SLC39A8: variants seen among roughly 807,000 people sequenced by gnomAD.
SLC39A8 encodes metal cation symporter ZIP8.
Under a neutral mutation model 40.4 loss-of-function variants are expected in SLC39A8, and 15 were observed. The observed-to-expected ratio is 0.37, with a 90% CI of 0.25 to 0.57. The LOEUF is 0.57. SLC39A8 is among the 20% of genes least tolerant of loss of function. SLC39A8 has a pLI of 0.75. For synonymous variants in SLC39A8, 223 were observed against 221.6 expected (o/e 1.01, Z -0.06); for missense variants, 472 against 558.8 (o/e 0.84, Z 1.57).
intron 2 of SLC39A8, among the ~76,000 whole-genome samples, chr4:102,333,590 G>T (rs1353751893): frequency 6.6e-6 from 1 of 152,158 alleles, no homozygotes; most frequent in Admixed American, 6.5e-5. Context: ...ATACCAAAAG[G>T]TTTTGATGGA....
At chr4:102,279,628 TG>T (rs1172762870) in intron 6 of SLC39A8, among the ~76,000 whole-genome samples, 2 of 152,094 alleles carry the variant, frequency 1.3e-5, no homozygotes, top group Non-Finnish European at 2.9e-5. Flanking sequence ...GTATTGTCGA[TG>T]GGGGGGCCCT....
intron 6 of SLC39A8, among the ~76,000 whole-genome samples, chr4:102,297,757 A>C (rs2149028730): frequency 6.6e-6 from 1 of 152,126 alleles, no homozygotes; most frequent in Admixed American, 6.6e-5. Context: ...TTTCTACACA[A>C]AAAAAATTTA....
intron 2 of SLC39A8, among the ~76,000 whole-genome samples, chr4:102,330,616 T>G (rs779174382): frequency 2.0e-5 from 3 of 152,182 alleles, no homozygotes; most frequent in Non-Finnish European, 4.4e-5. Context: ...CTGGTACCAT[T>G]CCTTCTGATA....
At chr4:102,282,091 T>A (rs1382760793) in intron 6 of SLC39A8, among the ~76,000 whole-genome samples, 1 of 152,158 alleles carries the variant, frequency 6.6e-6, no homozygotes, top group Non-Finnish European at 1.5e-5. Flanking sequence ...AAAGGTTAGG[T>A]AAATTAACCA....
Position 102,304,983 on chromosome 4 carries a change from A to G in SLC39A8, c.675+6T>C. On this transcript the variant is annotated splice_donor_region_variant and intron_variant, in intron 5 of 8. Transcript: ENST00000356736. ...ATATTGGATGTTTTAAATAAAGTCC[A>G]TTTACCTGACCATATGTCTTTAATA... The G allele has an allele frequency of 6.3e-7, 1 of 1,596,370 alleles. No individual in the cohort carries two copies. The highest frequency in any genetic ancestry group is 8.6e-7 in the Non-Finnish European group (1 of 1,169,362).
intron 6 of SLC39A8, among the ~76,000 whole-genome samples, chr4:102,288,973 T>C (rs1217626430): frequency 6.6e-6 from 1 of 152,158 alleles, no homozygotes; most frequent in Non-Finnish European, 1.5e-5. Flanking sequence ...ACACCAAATT[T>C]TCAATGTTGG....
chr4:102,284,391 C>T (rs1733056420), intron 6 of SLC39A8, among the ~76,000 whole-genome samples: 1 of 152,130 alleles, frequency 6.6e-6, no homozygotes, highest in Non-Finnish European at 1.5e-5. Context: ...CTAGAATGAA[C>T]CAGAATGGCA....
intron 5 of SLC39A8, 46 bp downstream of exon 5, chr4:102,304,943 G>A (rs927873517): frequency 1.3e-6 from 2 of 1,534,428 alleles, no homozygotes; most frequent in African/African-American, 1.4e-5. Context: ...ATATAAAGTA[G>A]CTTTAGGGGG....
At chr4:102,291,542 T>G (rs1327732589) in intron 6 of SLC39A8, among the ~76,000 whole-genome samples, 1 of 152,060 alleles carries the variant, frequency 6.6e-6, no homozygotes, top group Non-Finnish European at 1.5e-5. Flanking sequence ...GCCAGGGCAA[T>G]GCAAACAAAG....
At chr4:102,272,281 T>C (rs1359290578) in intron 6 of SLC39A8, among the ~76,000 whole-genome samples, 1 of 150,990 alleles carries the variant, frequency 6.6e-6, no homozygotes, top group Non-Finnish European at 1.5e-5. Flanking sequence ...AAAATACTAA[T>C]AAAAAAAATT....
intron 5 of SLC39A8, 148 bp downstream of exon 5, chr4:102,304,841 T>C: frequency 6.0e-6 from 4 of 667,916 alleles, no homozygotes; most frequent in Non-Finnish European, 4.8e-6. Context: ...TACTTGTCAA[T>C]ATATTGACTC....
At chr4:102,321,646 C>G (rs753706574) in intron 2 of SLC39A8, among the ~76,000 whole-genome samples, 5 of 152,180 alleles carry the variant, frequency 3.3e-5, no homozygotes, top group Non-Finnish European at 4.4e-5. Context: ...GAACAAAGTT[C>G]TGCAACACTG....
At chr4:102,291,273 G>T (rs233809) in intron 6 of SLC39A8, among the ~76,000 whole-genome samples, 40,405 of 151,850 alleles carry the variant, frequency 0.27, 5,653 homozygotes, top group South Asian at 0.35. Flanking sequence ...CATTGAAAAT[G>T]TATGCATTCT....
downstream of SLC39A8, among the ~76,000 whole-genome samples, chr4:102,260,203 T>G (rs1056178954): frequency 2.6e-5 from 4 of 152,204 alleles, no homozygotes; most frequent in Admixed American, 6.5e-5. Context: ...AAGAACCATC[T>G]GGAGTAATAA....
downstream of SLC39A8, among the ~76,000 whole-genome samples, chr4:102,257,274 C>G (rs576375175): frequency 6.6e-6 from 1 of 151,974 alleles, no homozygotes; most frequent in South Asian, 2.1e-4. Flanking sequence ...CCTCAGCCTC[C>G]TGAATAACTG....
intron 6 of SLC39A8, among the ~76,000 whole-genome samples, chr4:102,280,868 T>C (rs532094094): frequency 6.6e-6 from 1 of 152,232 alleles, no homozygotes; most frequent in Non-Finnish European, 1.5e-5. Flanking sequence ...TGGTCTTTAG[T>C]AGTTTAATTA....
At chr4:102,294,734 TTTTC>T (rs1733607119) in intron 6 of SLC39A8, among the ~76,000 whole-genome samples, 1 of 152,006 alleles carries the variant, frequency 6.6e-6, no homozygotes, top group South Asian at 2.1e-4. Context: ...CAGAATAGTT[TTTTC>T]TTTAACACAA....
chr4:102,263,004 A>G lies in SLC39A8; in HGVS notation c.*40T>C, dbSNP rs769910517. The G allele has an allele frequency of 5.1e-6, 8 of 1,568,526 alleles. No individual in the cohort carries two copies. In the East Asian group the frequency reaches 1.1e-4, roughly 22 times the overall value. ...ATCCTTTTTGGAGATGTTTTTATCTATTAAATGCCTTTATTAACAACACCA... is the reference window on the plus strand; with the variant it reads ...ATCCTTTTTGGAGATGTTTTTATCTGTTAAATGCCTTTATTAACAACACCA... On this transcript the variant is annotated 3_prime_UTR_variant, in exon 9 of 9. Transcript: ENST00000356736.
chr4:102,292,429 G>A (rs1560541729), intron 6 of SLC39A8, among the ~76,000 whole-genome samples: 1 of 152,026 alleles, frequency 6.6e-6, no homozygotes, highest in Non-Finnish European at 1.5e-5. Flanking sequence ...CTGCCATGGA[G>A]GCCCTGTTCT....
Sources: allele counts gnomAD v4.1 joint callset (sites outside exome capture counted in the v4.1 genomes callset), GRCh38; gene constraint gnomAD v4.1.1; transcripts MANE v1.5; gene names NCBI Gene and HGNC (gene_info 2026-07-23, HGNC 2026-07-21).